Variants in DRC8 observed in about 807,000 individuals in gnomAD.
DRC8 encodes dynein regulatory complex protein 8.
At chr1:245,017,620 T>C in the DRC8 span, among the ~76,000 whole-genome samples, 9 of 152,206 alleles carry the variant, frequency 5.9e-5, no homozygotes, top group African/African-American at 2.2e-4. Flanking sequence ...GCTTGGCACA[T>C]AGTTGGTACT....
the DRC8 span, chr1:244,970,061 C>A: frequency 7.8e-6 from 5 of 638,294 alleles, no homozygotes; most frequent in Admixed American, 1.3e-4. Flanking sequence ...CGCGCGCGTG[C>A]TGTCCCCAAA....
the DRC8 span, chr1:245,123,166 C>T: frequency 2.6e-5 from 4 of 152,138 alleles, no homozygotes; most frequent in Non-Finnish European, 5.9e-5. The surrounding 1 kb of genome is among the most constrained non-coding windows in gnomAD (Gnocchi z 5.0). Flanking sequence ...GCAGTCAAAA[C>T]GCAACTCCAA....
the DRC8 span, among the ~76,000 whole-genome samples, chr1:244,983,815 A>T: frequency 6.6e-6 from 1 of 151,194 alleles, no homozygotes; most frequent in Admixed American, 6.6e-5. Flanking sequence ...ATTAATACTT[A>T]TGGTCACTAT....
the DRC8 span, among the ~76,000 whole-genome samples, chr1:245,023,330 A>G: frequency 6.6e-6 from 1 of 152,226 alleles, no homozygotes; most frequent in African/African-American, 2.4e-5. Flanking sequence ...TAATGCTGCT[A>G]TGAATACTGG....
chr1:245,086,053 G>T, the DRC8 span, among the ~76,000 whole-genome samples: 2 of 152,250 alleles, frequency 1.3e-5, no homozygotes, highest in Admixed American at 1.3e-4. Context: ...TGGTTTACTT[G>T]GAGGTGCTGT....
the DRC8 span, among the ~76,000 whole-genome samples, chr1:245,113,548 G>A: frequency 1.3e-5 from 2 of 152,164 alleles, no homozygotes; most frequent in African/African-American, 2.4e-5. Context: ...AAAAAGTGCC[G>A]TAGAAAGAGG....
At chr1:244,970,544 T>G in the DRC8 span, 1 of 1,427,376 alleles carries the variant, frequency 7.0e-7, no homozygotes, top group Non-Finnish European at 9.2e-7. Context: ...CCATCTGGAG[T>G]TCCCACCCGC....
chr1:245,069,277 C>T, the DRC8 span, among the ~76,000 whole-genome samples: 3 of 152,044 alleles, frequency 2.0e-5, no homozygotes, highest in African/African-American at 4.8e-5. Flanking sequence ...TGAATTCTTA[C>T]AATAAAGTAA....
At chr1:245,113,804 C>T in the DRC8 span, among the ~76,000 whole-genome samples, 3 of 152,182 alleles carry the variant, frequency 2.0e-5, no homozygotes, top group African/African-American at 7.2e-5. Flanking sequence ...AAGAAGCTTA[C>T]GGTGATGGCT....
the DRC8 span, among the ~76,000 whole-genome samples, chr1:245,031,403 G>A: frequency 6.6e-6 from 1 of 151,864 alleles, no homozygotes; most frequent in Non-Finnish European, 1.5e-5. Flanking sequence ...GGAGGTAATG[G>A]GTGCTACTTC....
At chr1:245,107,952 T>C in the DRC8 span, among the ~76,000 whole-genome samples, 4 of 152,274 alleles carry the variant, frequency 2.6e-5, no homozygotes, top group Non-Finnish European at 4.4e-5. Context: ...TCCTCTGCTG[T>C]TGTTCCCACT....
At chr1:245,086,710 C>T in the DRC8 span, 2 of 532,956 alleles carry the variant, frequency 3.8e-6, no homozygotes, top group Non-Finnish European at 3.8e-6. Flanking sequence ...ACGTTTCATT[C>T]TCATGACAAC....
At chr1:245,069,887 T>G in the DRC8 span, among the ~76,000 whole-genome samples, 1 of 152,006 alleles carries the variant, frequency 6.6e-6, no homozygotes, top group Non-Finnish European at 1.5e-5. Flanking sequence ...ACAAAAAAAT[T>G]TTTAAAAATT....
the DRC8 span, among the ~76,000 whole-genome samples, chr1:244,985,076 GTTTTT>G: frequency 8.4e-4 from 110 of 130,690 alleles, no homozygotes; most frequent in South Asian, 1.9e-3. Context: ...TGTCTCCAGG[GTTTTT>G]TTTTTTTTTT....
the DRC8 span, chr1:244,970,302 C>T: frequency 1.0e-3 from 1,011 of 1,008,410 alleles, 11 homozygotes; most frequent in African/African-American, 0.013. Context: ...CTTCCTCCCC[C>T]GGGATTCAGA....
the DRC8 span, among the ~76,000 whole-genome samples, chr1:245,042,923 A>G: frequency 6.6e-6 from 1 of 152,138 alleles, no homozygotes; most frequent in Non-Finnish European, 1.5e-5. Flanking sequence ...CGGGTCAAAC[A>G]TTTTAAGTGG....
At chr1:245,001,533 A>C in the DRC8 span, among the ~76,000 whole-genome samples, 1 of 152,170 alleles carries the variant, frequency 6.6e-6, no homozygotes, top group Admixed American at 6.6e-5. Flanking sequence ...TGGTTCTCTC[A>C]CCCTGGGGAG....
chr1:245,013,210 A>G, the DRC8 span, among the ~76,000 whole-genome samples: 3 of 152,206 alleles, frequency 2.0e-5, no homozygotes, highest in Non-Finnish European at 2.9e-5. Flanking sequence ...AGAATTAAGT[A>G]TTTGCCAGAC....
the DRC8 span, among the ~76,000 whole-genome samples, chr1:244,997,180 G>C: frequency 6.6e-6 from 1 of 152,104 alleles, no homozygotes; most frequent in Non-Finnish European, 1.5e-5. Context: ...TGATTGTGTA[G>C]CTCTGACCTT....
Sources: allele counts gnomAD v4.1 joint callset (sites outside exome capture counted in the v4.1 genomes callset), GRCh38; gene constraint gnomAD v4.1.1; non-coding constraint Gnocchi (gnomAD v3.1); transcripts MANE v1.5; gene names NCBI Gene and HGNC (gene_info 2026-07-23, HGNC 2026-07-21).